The following SLC39A14 variants were observed in gnomAD, a reference collection of about 807,000 sequenced individuals.
SLC39A14 encodes solute carrier family 39 member 14.
SLC39A14 carries 19 observed loss-of-function variants against 45.5 expected under a neutral mutation model. That is an observed-to-expected ratio of 0.42 (90% CI 0.29 to 0.61). The LOEUF is 0.61. Ranked by LOEUF, SLC39A14 falls within the 20% of genes least tolerant of loss-of-function variation. The pLI, the probability that SLC39A14 is intolerant of heterozygous loss-of-function variation, is 0.22. For synonymous variants in SLC39A14, 264 were observed against 251.3 expected, an observed-to-expected ratio of 1.05 and a Z score of -0.48; for missense variants, 447 against 616.5, an observed-to-expected ratio of 0.73 and a Z score of 2.91.
chr8:22,386,942 G>C (rs985288110), intron 1 of SLC39A14, among the ~76,000 whole-genome samples: 4 of 152,162 alleles, frequency 2.6e-5, no homozygotes, highest in African/African-American at 9.7e-5. Context: ...GGAGGCTGGG[G>C]CGGGAGGATC....
At chr8:22,433,896 G>T in exon 9 of SLC39A14, 1 of 376,782 alleles carries the variant, frequency 2.7e-6, no homozygotes, top group Non-Finnish European at 5.2e-6. Flanking sequence ...TTTAGATGGA[G>T]TTTTGCTCTG....
intron 1 of SLC39A14, among the ~76,000 whole-genome samples, chr8:22,375,503 T>TG (rs1833166906): frequency 6.6e-6 from 1 of 151,990 alleles, no homozygotes; most frequent in Non-Finnish European, 1.5e-5. Flanking sequence ...TTTTTTTTTT[T>TG]GAGACGGAGT....
intron 1 of SLC39A14, among the ~76,000 whole-genome samples, chr8:22,401,372 G>T (rs568420050): frequency 1.3e-5 from 2 of 152,230 alleles, no homozygotes. Context: ...CTGCTTCTTG[G>T]TCTGGAGAAA....
exon 9 of SLC39A14, chr8:22,434,018 G>A (rs1243969927): frequency 1.1e-5 from 4 of 363,224 alleles, no homozygotes; most frequent in East Asian, 1.0e-4. Context: ...AGCCATGTTT[G>A]TTAATAAAAA....
At chr8:22,412,910 C>T (rs945274855) in intron 4 of SLC39A14, among the ~76,000 whole-genome samples, 1 of 152,170 alleles carries the variant, frequency 6.6e-6, no homozygotes, top group East Asian at 1.9e-4. Flanking sequence ...TGCACTCCAG[C>T]CTGGGTGACG....
chr8:22,425,883 G>GTTTTGT (rs1836375851), downstream of SLC39A14, among the ~76,000 whole-genome samples: 1 of 140,862 alleles, frequency 7.1e-6, no homozygotes, highest in Non-Finnish European at 1.5e-5. Context: ...GCTCTAGATG[G>GTTTTGT]TTTTTGTTTT....
At chr8:22,369,354 A>G (rs1228910543) in intron 1 of SLC39A14, among the ~76,000 whole-genome samples, 1 of 152,162 alleles carries the variant, frequency 6.6e-6, no homozygotes, top group Admixed American at 6.5e-5. Flanking sequence ...AGAGGAACTC[A>G]CTGACCTGAG....
intron 1 of SLC39A14, among the ~76,000 whole-genome samples, chr8:22,394,466 C>CCCA (rs1563526878): frequency 6.6e-6 from 1 of 151,750 alleles, no homozygotes; most frequent in African/African-American, 2.4e-5. Flanking sequence ...ACTACAGGCG[C>CCCA]CCACCACCAC....
intron 1 of SLC39A14, among the ~76,000 whole-genome samples, chr8:22,382,846 T>C (rs966368836): frequency 1.3e-5 from 2 of 151,648 alleles, no homozygotes; most frequent in Admixed American, 1.3e-4. Flanking sequence ...TCCTGAATAG[T>C]TGGAACCACA....
chr8:22,394,510 G>A (rs1057041793), intron 1 of SLC39A14, among the ~76,000 whole-genome samples: 68 of 151,524 alleles, frequency 4.5e-4, no homozygotes, highest in African/African-American at 1.5e-3. Flanking sequence ...TAGTAGAGAC[G>A]GGGTTTCATC....
At chr8:22,373,277 G>A (rs1833033345) in intron 1 of SLC39A14, among the ~76,000 whole-genome samples, 1 of 147,892 alleles carries the variant, frequency 6.8e-6, no homozygotes, top group Admixed American at 6.7e-5. Context: ...AAAAAAAAAA[G>A]TTTCATGAAA....
chr8:22,393,918 C>T (rs552147135), intron 1 of SLC39A14, among the ~76,000 whole-genome samples: 194 of 152,260 alleles, frequency 1.3e-3, no homozygotes, highest in Non-Finnish European at 1.5e-3. Context: ...AGCAATCTAC[C>T]TGCCTTGGCC....
intron 1 of SLC39A14, among the ~76,000 whole-genome samples, chr8:22,370,080 CCTT>C (rs1439017783): frequency 6.6e-6 from 1 of 152,084 alleles, no homozygotes; most frequent in Non-Finnish European, 1.5e-5. Flanking sequence ...AAGAAATGCT[CCTT>C]CTCTGGGCTG....
At position 22,409,829 on chromosome 8, in the gene SLC39A14, G is replaced by C. The variant is rs1835461272; in HGVS notation, c.457+1333G>C. The C allele has an allele frequency of 4.0e-6, 4 of 992,610 alleles. No individual in the cohort carries two copies. In the South Asian group the frequency reaches 5.8e-5, roughly 15 times the overall value. 61.5% of individuals were successfully genotyped at this position (992,610 alleles called of 1,614,324 possible). On this transcript the variant is annotated intron_variant, in intron 3 of 8. Coordinates refer to ENST00000381237, the MANE Select transcript of SLC39A14 (RefSeq NM_001128431.4). ...GGACTCAGCAAATGTTTACTGATGG[G>C]TTGGTGGATCTCAGTCTGCCCCATC...
At chr8:22,406,880 T>C (rs904575701) in intron 2 of SLC39A14, among the ~76,000 whole-genome samples, 10 of 152,184 alleles carry the variant, frequency 6.6e-5, no homozygotes, top group African/African-American at 2.2e-4. Flanking sequence ...CCCCCAGCCT[T>C]AGAAGCGCAG....
chr8:22,404,787 C>T lies in SLC39A14; in HGVS notation c.77C>T (p.Pro26Leu), dbSNP rs117349189. The change falls in exon 2 of 9, where the codon CCT (proline) becomes CTT (leucine). Residue 26 changes from proline (P) to leucine (L), a missense_variant. Around this residue, in one of 2 missense-constraint regions of SLC39A14, gnomAD observed 342 missense variants for 428.1 expected, o/e 0.80. Coordinates refer to ENST00000381237, the MANE Select transcript of SLC39A14 (RefSeq NM_001128431.4). ...CTGCTTGGCTTATGGAGAACCACCC[C>T]TGAGGCTCACGCTTCATCCCTGGGT... ...LTLLGLWRTTPEAHASSLGAP... is the reference protein window; with the variant it reads ...LTLLGLWRTTLEAHASSLGAP... The T allele has an allele frequency of 9.9e-6, 16 of 1,613,500 alleles. 1 individual carries two copies. The East Asian group carries it at 2.9e-4, about 29-fold the overall frequency.
intron 1 of SLC39A14, among the ~76,000 whole-genome samples, chr8:22,374,313 C>T (rs1833093492): frequency 6.6e-6 from 1 of 152,026 alleles, no homozygotes; most frequent in Non-Finnish European, 1.5e-5. Context: ...ATCTCCATTC[C>T]CGAGATGCTT....
At chr8:22,390,943 T>C (rs917490728) in intron 1 of SLC39A14, among the ~76,000 whole-genome samples, 10 of 152,082 alleles carry the variant, frequency 6.6e-5, no homozygotes, top group African/African-American at 2.4e-4. Context: ...TCCTGGGACA[T>C]GCATTTCCCT....
intron 1 of SLC39A14, among the ~76,000 whole-genome samples, chr8:22,391,780 G>A (rs576407262): frequency 2.6e-5 from 4 of 152,332 alleles, no homozygotes; most frequent in African/African-American, 7.2e-5. Flanking sequence ...ACTTTGGCCA[G>A]GGTGGTCTTG....
Sources: gnomAD v4.1 joint callset for allele counts (sites outside exome capture counted in the v4.1 genomes callset) on GRCh38, gnomAD v4.1.1 for gene constraint, gnomAD v4.1.1 regional missense constraint, MANE v1.5 for transcripts, NCBI Gene and HGNC (gene_info 2026-07-23, HGNC 2026-07-21) for gene names.